The following METTL22 variants were observed in gnomAD, a reference collection of about 807,000 sequenced individuals.
METTL22 encodes the protein methyltransferase-like protein 22.
METTL22 carries 51 observed loss-of-function variants against 48.4 expected under a neutral mutation model. The observed-to-expected ratio is 1.05, with a 90% CI of 0.84 to 1.33. The LOEUF (loss-of-function observed/expected upper bound fraction) is 1.33, where lower values mean the gene tolerates loss of function less well. METTL22 is among the 40% of genes most tolerant of loss of function. The probability of loss-of-function intolerance (pLI) is 0.00; values close to 1 mark genes in which losing one functional copy is unlikely to be tolerated. For missense variants in METTL22, 678 were observed against 526.9 expected (o/e 1.29, Z -2.81); for synonymous variants, 255 against 214.1 (o/e 1.19, Z -1.67).
chr16:8,644,201 T>G (rs367656971), intron 9 of METTL22, among the ~76,000 whole-genome samples: 2 of 152,162 alleles, frequency 1.3e-5, no homozygotes, highest in African/African-American at 4.8e-5. Context: ...CAGATAGTTA[T>G]GCGCAGCTCC....
chr16:8,621,722 T>G lies in METTL22; in HGVS notation c.-224T>G, dbSNP rs552885750. On this transcript the variant is annotated 5_prime_UTR_variant, in exon 1 of 11. It removes the in-frame stop codon of an upstream open reading frame in the 5' UTR. Coordinates refer to ENST00000381920, the MANE Select transcript of METTL22 (RefSeq NM_024109.4). Reference sequence around the variant, plus strand: ...CAGACCGCCTGTTATGGCGGCCGCCTAAGTCCCACAGAGACGGGAGTCGGG... The same window carrying G: ...CAGACCGCCTGTTATGGCGGCCGCCGAAGTCCCACAGAGACGGGAGTCGGG... The G allele has an allele frequency of 6.6e-6, 1 of 152,332 alleles. No individual in the cohort carries two copies. Among genetic ancestry groups the G allele is most frequent in the African/African-American group, 2.4e-5 (1 of 41,566 alleles). The allele number at this position is 152,332 out of a possible 1,614,324, so 9.4% of individuals were successfully genotyped here.
intron 6 of METTL22, among the ~76,000 whole-genome samples, 165 bp from the exon 7 acceptor site, chr16:8,640,964 GGC>G: frequency 9.5e-6 from 1 of 105,708 alleles, no homozygotes; most frequent in African/African-American, 3.3e-5. Flanking sequence ...ATGGCTGGCT[GGC>G]TGGCTGGCTG....
intron 3 of METTL22, among the ~76,000 whole-genome samples, chr16:8,630,829 G>A (rs775058369): frequency 6.6e-6 from 1 of 152,204 alleles, no homozygotes; most frequent in East Asian, 1.9e-4. Context: ...ACGGAGGAGA[G>A]TGGAATGGTA....
intron 2 of METTL22, among the ~76,000 whole-genome samples, chr16:8,626,189 T>C (rs1039399138): frequency 5.3e-5 from 8 of 152,112 alleles, no homozygotes; most frequent in Non-Finnish European, 4.4e-5. Context: ...GCTGGAGTCT[T>C]GCTAGCCCAG....
At chr16:8,652,528 C>T (rs2056914443), downstream of METTL22, among the ~76,000 whole-genome samples, 1 of 147,784 alleles carries the variant, frequency 6.8e-6, no homozygotes, top group Non-Finnish European at 1.5e-5. Flanking sequence ...CTGTGAAACC[C>T]TCATGTGTGG....
intron 3 of METTL22, among the ~76,000 whole-genome samples, chr16:8,629,778 G>A (rs949492703): frequency 2.0e-5 from 3 of 152,110 alleles, no homozygotes; most frequent in Non-Finnish European, 4.4e-5. Context: ...TGAAATCTAG[G>A]GACCTGGCAC....
chr16:8,662,839 T>G, the METTL22 span, among the ~76,000 whole-genome samples: 437 of 144,562 alleles, frequency 3.0e-3, 59 homozygotes, highest in East Asian at 9.3e-3. Context: ...TACTAGTACT[T>G]ACTTCTCAAA....
chr16:8,654,773 T>G, the METTL22 span, among the ~76,000 whole-genome samples: 7 of 152,192 alleles, frequency 4.6e-5, no homozygotes, highest in Non-Finnish European at 1.0e-4. Flanking sequence ...ATGCATAGAA[T>G]GAGACTATGC....
chr16:8,643,538 C>T (rs1371703623), intron 9 of METTL22, among the ~76,000 whole-genome samples: 3 of 152,162 alleles, frequency 2.0e-5, no homozygotes, highest in Non-Finnish European at 2.9e-5. Context: ...CAGGGGGCCC[C>T]GGGAAGAGCC....
Position 8,645,982 on chromosome 16 carries a change from A to AGCCCGCCT in METTL22, c.1180-124_1180-123insCCGCCTGC, listed in dbSNP as rs1567248899. On this transcript the variant is annotated intron_variant, in intron 10 of 10. Transcript: ENST00000381920. ...GAAGCCGCCCGTCCGCTCCTGCCCC[A>AGCCCGCCT]GCTCGCCTGCTCCGTGGCTGACGTG... 7 of 1,268,574 alleles carry AGCCCGCCT rather than the reference A, an allele frequency of 5.5e-6. No individual in the cohort carries two copies. The Admixed American group carries it at 1.5e-4, about 27-fold the overall frequency. 78.6% of individuals were successfully genotyped at this position (1,268,574 alleles called of 1,614,324 possible). A position where few individuals can be genotyped will look rare whatever the true frequency, so the allele number is the denominator to read the frequency against.
intron 2 of METTL22, among the ~76,000 whole-genome samples, chr16:8,626,826 A>C (rs2056076597): frequency 2.1e-5 from 2 of 95,336 alleles, no homozygotes; most frequent in South Asian, 7.6e-4. Flanking sequence ...GTGCAGTGGC[A>C]TGCGATCTCG....
At chr16:8,652,236 A>G (rs2056909609), downstream of METTL22, among the ~76,000 whole-genome samples, 1 of 151,730 alleles carries the variant, frequency 6.6e-6, no homozygotes, top group Non-Finnish European at 1.5e-5. Flanking sequence ...ATGTGGGAGG[A>G]TCATTTGCGG....
chr16:8,663,777 G>C, the METTL22 span, among the ~76,000 whole-genome samples: 1 of 152,204 alleles, frequency 6.6e-6, no homozygotes, highest in Non-Finnish European at 1.5e-5. Flanking sequence ...GATCATCTTA[G>C]ACCTTTCTGG....
intron 6 of METTL22, among the ~76,000 whole-genome samples, chr16:8,640,137 GCT>G (rs1416676187): frequency 6.6e-6 from 1 of 152,210 alleles, no homozygotes; most frequent in Non-Finnish European, 1.5e-5. Context: ...CGGACTACAA[GCT>G]CTGTGGGTGC....
chr16:8,651,395 A>AAAAAAAAAAC (rs1228655922), downstream of METTL22, among the ~76,000 whole-genome samples: 1 of 149,936 alleles, frequency 6.7e-6, no homozygotes, highest in East Asian at 2.0e-4. Context: ...TCAAAAAAAA[A>AAAAAAAAAAC]AAAAAAAACA....
chr16:8,663,252 C>G, the METTL22 span, among the ~76,000 whole-genome samples: 1 of 149,118 alleles, frequency 6.7e-6, no homozygotes, highest in Non-Finnish European at 1.5e-5. Context: ...TCATCATCAT[C>G]TCCCTATTAT....
At chr16:8,627,552 A>C (rs2056103020) in intron 2 of METTL22, among the ~76,000 whole-genome samples, 1 of 151,990 alleles carries the variant, frequency 6.6e-6, no homozygotes, top group South Asian at 2.1e-4. Flanking sequence ...CTCCTGCCCT[A>C]ATTTGGATGG....
At chr16:8,627,434 G>C (rs1411192192) in intron 2 of METTL22, among the ~76,000 whole-genome samples, 2 of 151,912 alleles carry the variant, frequency 1.3e-5, no homozygotes, top group Non-Finnish European at 2.9e-5. Context: ...TCCCCTCCTG[G>C]CTCCTCAAGT....
chr16:8,658,309 CTT>C, the METTL22 span, among the ~76,000 whole-genome samples: 1 of 152,246 alleles, frequency 6.6e-6, no homozygotes, highest in African/African-American at 2.4e-5. Flanking sequence ...TGATTGCGGA[CTT>C]CTGGTTTACA....
Sources: gnomAD v4.1 joint callset for allele counts (sites outside exome capture counted in the v4.1 genomes callset) on GRCh38, gnomAD v4.1.1 for gene constraint, MANE v1.5 for transcripts, NCBI Gene and HGNC (gene_info 2026-07-23, HGNC 2026-07-21) for gene names.